Variants in PPM1H observed in about 807,000 individuals in gnomAD.
The protein encoded by PPM1H is protein phosphatase, Mg2+/Mn2+ dependent 1H.
PPM1H carries 27 observed loss-of-function variants against 54.9 expected under a neutral mutation model. The observed-to-expected ratio is 0.49, with a 90% confidence interval of 0.36 to 0.68. The LOEUF is 0.68. Among genes scored for constraint, PPM1H ranks in the 30% least tolerant of loss-of-function variants. The pLI is 0.00. For missense variants in PPM1H, 596 were observed against 667.8 expected (o/e 0.89, Z 1.19); for synonymous variants, 305 against 270.8 (o/e 1.13, Z -1.24).
intron 4 of PPM1H, among the ~76,000 whole-genome samples, chr12:62,775,489 C>T (rs766816779): frequency 6.6e-6 from 1 of 152,238 alleles, no homozygotes; most frequent in Non-Finnish European, 1.5e-5. Context: ...GTATACAAAC[C>T]ACTTTACAAG....
At chr12:62,869,645 T>A (rs1224700324) in intron 1 of PPM1H, among the ~76,000 whole-genome samples, 4 of 152,086 alleles carry the variant, frequency 2.6e-5, no homozygotes, top group African/African-American at 9.7e-5. Context: ...CATGACAACA[T>A]CCCATCTCCC....
chr12:62,778,130 C>T (rs1277153149), intron 4 of PPM1H, among the ~76,000 whole-genome samples: 2 of 152,224 alleles, frequency 1.3e-5, no homozygotes, highest in Non-Finnish European at 2.9e-5. Flanking sequence ...GGTAATTGGT[C>T]TTTGGACTTT....
intron 6 of PPM1H, among the ~76,000 whole-genome samples, chr12:62,717,987 CCTTTCTGGCATAGA>C (rs1325097097): frequency 6.6e-6 from 1 of 152,198 alleles, no homozygotes; most frequent in African/African-American, 2.4e-5. Flanking sequence ...ATCTAATTTG[CCTTTCTGGCATAGA>C]AAGAACATAG....
At chr12:62,908,404 T>C (rs1335281122) in intron 1 of PPM1H, among the ~76,000 whole-genome samples, 1 of 53,516 alleles carries the variant, frequency 1.9e-5, no homozygotes, top group Non-Finnish European at 5.5e-5. Flanking sequence ...CGAGACTCCG[T>C]CTCAAAAAAA....
intron 4 of PPM1H, among the ~76,000 whole-genome samples, chr12:62,764,556 C>G (rs1592587075): frequency 6.6e-6 from 1 of 152,208 alleles, no homozygotes. Flanking sequence ...CACACTTTTA[C>G]CAATCAAATG....
At chr12:62,716,048 A>T (rs894104323) in intron 6 of PPM1H, among the ~76,000 whole-genome samples, 1 of 152,166 alleles carries the variant, frequency 6.6e-6, no homozygotes, top group African/African-American at 2.4e-5. Context: ...AAGAACCCCA[A>T]CAAAAAGTCA....
chr12:62,708,636 T>C (rs2076189105), intron 6 of PPM1H, among the ~76,000 whole-genome samples: 1 of 152,220 alleles, frequency 6.6e-6, no homozygotes, highest in Admixed American at 6.5e-5. Context: ...AATGGGATCC[T>C]AAAAATAGGC....
At chr12:62,859,169 T>G (rs970667490) in intron 1 of PPM1H, among the ~76,000 whole-genome samples, 1 of 152,194 alleles carries the variant, frequency 6.6e-6, no homozygotes, top group Non-Finnish European at 1.5e-5. Context: ...GAGGGGTAGC[T>G]TAAGGTGGCT....
At chr12:62,719,223 A>C (rs2076251094) in intron 6 of PPM1H, among the ~76,000 whole-genome samples, 1 of 152,184 alleles carries the variant, frequency 6.6e-6, no homozygotes, top group South Asian at 2.1e-4. Context: ...ATCCCTGGCC[A>C]AGTCATCACC....
intron 1 of PPM1H, among the ~76,000 whole-genome samples, chr12:62,902,836 G>A (rs1338437501): frequency 6.6e-6 from 1 of 152,210 alleles, no homozygotes; most frequent in Non-Finnish European, 1.5e-5. Flanking sequence ...AATAGTTGCA[G>A]TGAGGCCCTA....
At chr12:62,849,030 C>CA (rs1367627109) in intron 1 of PPM1H, among the ~76,000 whole-genome samples, 1 of 152,010 alleles carries the variant, frequency 6.6e-6, no homozygotes, top group African/African-American at 2.4e-5. Flanking sequence ...GAGACTACCT[C>CA]ACATGGAATT....
In PPM1H at chr12:62,689,779, T is replaced by C; in HGVS notation, c.1165A>G (p.Thr389Ala). The change falls in exon 8 of 10, where the codon ACC becomes GCC. Residue 389 changes from threonine to alanine, a missense_variant. Thr to Ala is a moderately conservative substitution (Grantham distance 58). Transcript: ENST00000228705. ...AGGTCATGGTCCCCAAGTCCCCTGG[T>C]CACTCCAATAGTTGCCATTACCCGG... ...KARVMATIGVTRGLGDHDLKV... is the reference protein window; with the variant it reads ...KARVMATIGVARGLGDHDLKV... 1.9e-6 allele frequency: 3 copies of C among 1,613,588 alleles called. 1 individual carries two copies. The highest frequency in any genetic ancestry group is 2.2e-5 in the South Asian group (2 of 90,936).
chr12:62,669,653 C>T (rs2075942793), intron 8 of PPM1H, among the ~76,000 whole-genome samples: 1 of 152,136 alleles, frequency 6.6e-6, no homozygotes, highest in African/African-American at 2.4e-5. Flanking sequence ...TGTGTTGTTA[C>T]TTTCAGTATA....
intron 2 of PPM1H, 62 bp from the exon 3 acceptor site, chr12:62,802,222 A>G: frequency 7.4e-7 from 1 of 1,347,630 alleles, no homozygotes; most frequent in Non-Finnish European, 1.0e-6. Context: ...AGGGTCATAC[A>G]GATTGTGGGA....
chr12:62,781,860 T>C (rs1243646219), intron 4 of PPM1H, among the ~76,000 whole-genome samples: 1 of 152,170 alleles, frequency 6.6e-6, no homozygotes, highest in African/African-American at 2.4e-5. Flanking sequence ...TTGTGATCAT[T>C]TGGTAGCATT....
intron 4 of PPM1H, among the ~76,000 whole-genome samples, chr12:62,743,309 C>T (rs745949187): frequency 1.3e-5 from 2 of 152,104 alleles, no homozygotes; most frequent in Non-Finnish European, 2.9e-5. Flanking sequence ...GCCGAAACTG[C>T]ACCACTGCAC....
Position 62,933,487 on chromosome 12 carries a change from T to A in PPM1H, c.245+1005A>T, listed in dbSNP as rs111836943. ...GGGAGGGCCAAAACTACCGAGGGGA[T>A]GGGGTTAAAGGAAAAGGCGCAGGTG... On this transcript the variant is annotated intron_variant, in intron 1 of 9. Coordinates refer to ENST00000228705, the MANE Select transcript of PPM1H (RefSeq NM_020700.2). 9.0e-3 allele frequency among the ~76,000 whole-genome samples: 1,374 copies of A among 152,154 alleles called. 26 individuals carry two copies. Among genetic ancestry groups the A allele is most frequent in the African/African-American group, 0.031 (1,302 of 41,522 alleles).
At chr12:62,855,592 T>C (rs1056037112) in intron 1 of PPM1H, among the ~76,000 whole-genome samples, 4 of 152,198 alleles carry the variant, frequency 2.6e-5, no homozygotes, top group African/African-American at 7.2e-5. Flanking sequence ...TTGGGGCTGA[T>C]TCCTTGGATC....
At chr12:62,760,243 C>T (rs2076500344) in intron 4 of PPM1H, among the ~76,000 whole-genome samples, 1 of 152,128 alleles carries the variant, frequency 6.6e-6, no homozygotes, top group Non-Finnish European at 1.5e-5. Context: ...GACGTCCAGG[C>T]ATTCTTTTAC....
Sources: allele counts gnomAD v4.1 joint callset (sites outside exome capture counted in the v4.1 genomes callset), GRCh38; gene constraint gnomAD v4.1.1; transcripts MANE v1.5; gene names NCBI Gene and HGNC (gene_info 2026-07-23, HGNC 2026-07-21).